The following DCC variants were observed in gnomAD, a reference collection of about 807,000 sequenced individuals.
DCC encodes DCC netrin 1 receptor.
DCC carries 58 observed loss-of-function variants against 172.5 expected under a neutral mutation model. The ratio of observed to expected loss-of-function variants is 0.34; its 90% confidence interval spans 0.27 to 0.42. The LOEUF (loss-of-function observed/expected upper bound fraction) is 0.42. Ranked by LOEUF, DCC falls within the 10% of genes least tolerant of loss-of-function variation. The probability of loss-of-function intolerance (pLI) is 1.00; values close to 1 mark genes in which losing one functional copy is unlikely to be tolerated. For missense variants in DCC, 1,740 were observed against 1,791.0 expected, an observed-to-expected ratio of 0.97 and a Z score of 0.51; for synonymous variants, 709 against 644.5, an observed-to-expected ratio of 1.10 and a Z score of -1.52.
chr18:52,843,944 T>C (rs1403403379), intron 2 of DCC, among the ~76,000 whole-genome samples: 1 of 152,132 alleles, frequency 6.6e-6, no homozygotes, highest in Non-Finnish European at 1.5e-5. Context: ...TAATCCTCCT[T>C]AGAAAATTAT....
At chr18:53,163,167 T>C (rs2054868566) in intron 8 of DCC, among the ~76,000 whole-genome samples, 2 of 152,232 alleles carry the variant, frequency 1.3e-5, no homozygotes, top group African/African-American at 4.8e-5. Flanking sequence ...ATTCATAATT[T>C]CATGCTCAAG....
At chr18:52,592,342 T>G (rs935627733) in intron 1 of DCC, among the ~76,000 whole-genome samples, 4 of 152,212 alleles carry the variant, frequency 2.6e-5, no homozygotes, top group African/African-American at 7.2e-5. Context: ...ATTATTCAGC[T>G]ATTTCCTTTT....
intron 7 of DCC, among the ~76,000 whole-genome samples, chr18:53,111,372 A>G (rs1208331912): frequency 6.6e-6 from 1 of 151,080 alleles, no homozygotes; most frequent in Non-Finnish European, 1.5e-5. Flanking sequence ...CACATTGTGC[A>G]CATGTACCCT....
At chr18:52,849,514 A>G (rs1489253008) in intron 2 of DCC, among the ~76,000 whole-genome samples, 1 of 152,196 alleles carries the variant, frequency 6.6e-6, no homozygotes, top group Non-Finnish European at 1.5e-5. Context: ...GCAACTGTTA[A>G]CCTGGTATAG....
At chr18:52,923,886 A>C in intron 4 of DCC, 29 bp downstream of exon 4, 1 of 1,573,840 alleles carries the variant, frequency 6.4e-7, no homozygotes, top group Non-Finnish European at 8.7e-7. Flanking sequence ...TTTTTTGTAA[A>C]GTGTACTTTT....
chr18:53,313,864 A>G (rs1709643584), intron 13 of DCC, among the ~76,000 whole-genome samples: 1 of 152,158 alleles, frequency 6.6e-6, no homozygotes, highest in Non-Finnish European at 1.5e-5. Context: ...ACACCATAAT[A>G]CGTTAGCTTA....
chr18:52,753,676 T>G (rs1175123378), intron 2 of DCC, among the ~76,000 whole-genome samples: 1 of 152,140 alleles, frequency 6.6e-6, no homozygotes, highest in Non-Finnish European at 1.5e-5. Flanking sequence ...AGCTGAGTAA[T>G]AAGATGAACA....
chr18:52,432,673 T>C (rs758060494), intron 1 of DCC, among the ~76,000 whole-genome samples: 3 of 152,214 alleles, frequency 2.0e-5, no homozygotes, highest in African/African-American at 4.8e-5. Context: ...TGCGGATAAA[T>C]ACAAGTCAAA....
At chr18:52,549,771 T>C (rs1399877774) in intron 1 of DCC, among the ~76,000 whole-genome samples, 1 of 152,108 alleles carries the variant, frequency 6.6e-6, no homozygotes, top group Non-Finnish European at 1.5e-5. Flanking sequence ...CTATGATTTG[T>C]ATGGCTAACA....
chr18:52,954,965 C>T (rs747707384), intron 5 of DCC, among the ~76,000 whole-genome samples: 7 of 152,122 alleles, frequency 4.6e-5, no homozygotes, highest in Non-Finnish European at 1.0e-4. Flanking sequence ...ATAACATTCC[C>T]TATTTTCATA....
chr18:52,962,849 G>T (rs531514523), intron 5 of DCC, among the ~76,000 whole-genome samples: 2 of 150,172 alleles, frequency 1.3e-5, no homozygotes, highest in African/African-American at 2.5e-5. Context: ...GCAAACTATC[G>T]CAAGGACAAA....
intron 2 of DCC, among the ~76,000 whole-genome samples, chr18:52,842,053 C>G (rs1286982670): frequency 6.6e-6 from 1 of 151,406 alleles, no homozygotes; most frequent in Non-Finnish European, 1.5e-5. Flanking sequence ...TTTTAATGAC[C>G]ATAAAAAGTA....
intron 1 of DCC, among the ~76,000 whole-genome samples, chr18:52,571,186 G>T (rs2033283951): frequency 6.6e-6 from 1 of 152,076 alleles, no homozygotes. Context: ...ACATGACTCA[G>T]CTCCCCAAAC....
chr18:53,416,206 GT>G, intron 21 of DCC, 50 bp downstream of exon 21: 1 of 1,297,058 alleles, frequency 7.7e-7, no homozygotes, highest in Non-Finnish European at 1.1e-6. Context: ...AATCCTGTCT[GT>G]TAGACATGTC....
chr18:52,913,373 T>A (rs1362706028), intron 3 of DCC, among the ~76,000 whole-genome samples: 1 of 152,112 alleles, frequency 6.6e-6, no homozygotes, highest in East Asian at 1.9e-4. Flanking sequence ...CAATGCTATT[T>A]GGACGGACAT....
chr18:52,953,137 C>G (rs1253071596), intron 5 of DCC, among the ~76,000 whole-genome samples: 1 of 151,516 alleles, frequency 6.6e-6, no homozygotes, highest in African/African-American at 2.4e-5. Flanking sequence ...AAGCAGTAAC[C>G]AACATCCCTT....
At chr18:53,030,741 G>A (rs955514286) in intron 5 of DCC, among the ~76,000 whole-genome samples, 4 of 152,144 alleles carry the variant, frequency 2.6e-5, no homozygotes, top group Non-Finnish European at 5.9e-5. Context: ...ATTTTAGAAC[G>A]GAGCACAGTG....
chr18:52,794,952 C>A (rs972122905), intron 2 of DCC, among the ~76,000 whole-genome samples: 2 of 151,908 alleles, frequency 1.3e-5, no homozygotes, highest in African/African-American at 4.8e-5. Context: ...TACATGGAAC[C>A]ATCCTTGCAT....
At chr18:53,236,461 A>G (rs2056204113) in intron 12 of DCC, among the ~76,000 whole-genome samples, 1 of 152,108 alleles carries the variant, frequency 6.6e-6, no homozygotes, top group Admixed American at 6.6e-5. Flanking sequence ...CATTTTAATT[A>G]TATTTTGGTA....
Sources: gnomAD v4.1 joint callset for allele counts (sites outside exome capture counted in the v4.1 genomes callset) on GRCh38, gnomAD v4.1.1 for gene constraint, MANE v1.5 for transcripts, NCBI Gene and HGNC (gene_info 2026-07-23, HGNC 2026-07-21) for gene names.